SRPK2: variants seen among roughly 807,000 people sequenced by gnomAD.
The protein encoded by SRPK2 is SRSF protein kinase 2.
A neutral mutation model predicts 90.8 loss-of-function variants in SRPK2; 21 were observed. The ratio of observed to expected loss-of-function variants is 0.23; its 90% CI spans 0.16 to 0.33. The LOEUF (loss-of-function observed/expected upper bound fraction) is 0.33. Among genes scored for constraint, SRPK2 ranks in the 10% least tolerant of loss-of-function variants. The pLI is 1.00. For synonymous variants in SRPK2, 288 were observed against 311.1 expected, an observed-to-expected ratio of 0.93 and a Z score of 0.78; for missense variants, 620 against 869.0, an observed-to-expected ratio of 0.71 and a Z score of 3.60.
At chr7:105,156,906 C>T (rs1281243281) in intron 7 of SRPK2, among the ~76,000 whole-genome samples, 1 of 152,144 alleles carries the variant, frequency 6.6e-6, no homozygotes, top group Non-Finnish European at 1.5e-5. Flanking sequence ...ATATTTGATG[C>T]CAAACCCAAG....
chr7:105,363,691 G>T (rs1818693909), intron 2 of SRPK2, among the ~76,000 whole-genome samples: 1 of 152,090 alleles, frequency 6.6e-6, no homozygotes, highest in Non-Finnish European at 1.5e-5. Context: ...TATACCCAAA[G>T]GATTATAAAT....
chr7:105,305,373 G>A (rs1462497288), intron 2 of SRPK2, among the ~76,000 whole-genome samples: 1 of 151,612 alleles, frequency 6.6e-6, no homozygotes, highest in African/African-American at 2.4e-5. Flanking sequence ...TTGAACCCAA[G>A]AGGCAGAGGT....
chr7:105,145,934 C>T (rs1170838397), intron 8 of SRPK2, among the ~76,000 whole-genome samples: 1 of 152,094 alleles, frequency 6.6e-6, no homozygotes, highest in Non-Finnish European at 1.5e-5. Flanking sequence ...CACAAAGGCA[C>T]AGATCATGGT....
intron 3 of SRPK2, among the ~76,000 whole-genome samples, chr7:105,179,754 G>C (rs923012794): frequency 7.0e-6 from 1 of 143,222 alleles, no homozygotes; most frequent in Non-Finnish European, 1.5e-5. Context: ...GAACCCAGGA[G>C]GCAGAGGTTG....
chr7:105,196,567 G>A (rs752441895), intron 3 of SRPK2, among the ~76,000 whole-genome samples: 14 of 152,274 alleles, frequency 9.2e-5, no homozygotes, highest in Admixed American at 3.3e-4. Flanking sequence ...AGCCCGTCAC[G>A]GCAAGCAAAT....
At chr7:105,224,057 A>G (rs558430479) in intron 2 of SRPK2, among the ~76,000 whole-genome samples, 2 of 152,188 alleles carry the variant, frequency 1.3e-5, no homozygotes, top group African/African-American at 2.4e-5. Flanking sequence ...CATATGGATA[A>G]CCAATTGTTC....
At chr7:105,169,125 A>C in intron 4 of SRPK2, 32 bp downstream of exon 4, 2 of 1,582,426 alleles carry the variant, frequency 1.3e-6, no homozygotes, top group South Asian at 1.1e-5. Context: ...CTACTCCAGG[A>C]AACAAATGCA....
At chr7:105,141,959 C>T (rs769885821) in intron 11 of SRPK2, 49 bp downstream of exon 11, 46 of 1,548,064 alleles carry the variant, frequency 3.0e-5, no homozygotes, top group South Asian at 2.2e-4. Context: ...GTTAAAGGCA[C>T]GTCCCTGGAG....
At chr7:105,359,370 G>A (rs545701338) in intron 2 of SRPK2, among the ~76,000 whole-genome samples, 2 of 151,952 alleles carry the variant, frequency 1.3e-5, no homozygotes, top group South Asian at 4.2e-4. Flanking sequence ...GTGTTAGTGA[G>A]GATGGCCTCG....
chr7:105,391,229 GA>G (rs1270108580), upstream of SRPK2, among the ~76,000 whole-genome samples: 2 of 135,286 alleles, frequency 1.5e-5, no homozygotes, highest in African/African-American at 2.9e-5. Context: ...TATTGAGATG[GA>G]ATTTCGCTCT....
At chr7:105,155,530 G>T (rs1806365975) in intron 7 of SRPK2, among the ~76,000 whole-genome samples, 1 of 152,170 alleles carries the variant, frequency 6.6e-6, no homozygotes, top group Admixed American at 6.5e-5. Flanking sequence ...CACAATCAGG[G>T]ATGGTGACAG....
At chr7:105,294,791 G>A (rs1809570207) in intron 2 of SRPK2, among the ~76,000 whole-genome samples, 1 of 152,116 alleles carries the variant, frequency 6.6e-6, no homozygotes, top group Non-Finnish European at 1.5e-5. Context: ...CTCCCAAAGA[G>A]CTGGAATTAC....
chr7:105,395,890 A>G (rs1822307785), intron 1 of SRPK2, among the ~76,000 whole-genome samples: 2 of 152,150 alleles, frequency 1.3e-5, no homozygotes, highest in African/African-American at 2.4e-5. Context: ...TACACATACT[A>G]TAGTGATGTT....
chr7:105,224,030 CTAGTTT>C (rs765550760), intron 2 of SRPK2, among the ~76,000 whole-genome samples: 3 of 151,966 alleles, frequency 2.0e-5, no homozygotes, highest in Admixed American at 6.6e-5. Flanking sequence ...AAACAGAGCT[CTAGTTT>C]TAGTTTATTT....
intron 2 of SRPK2, among the ~76,000 whole-genome samples, chr7:105,280,661 G>C (rs1007793179): frequency 6.7e-6 from 1 of 149,870 alleles, no homozygotes; most frequent in Non-Finnish European, 1.5e-5. Context: ...AAAAAAGGGG[G>C]GGGGGGCCGG....
intron 2 of SRPK2, among the ~76,000 whole-genome samples, chr7:105,261,297 G>A (rs1183472368): frequency 2.0e-5 from 3 of 152,102 alleles, no homozygotes; most frequent in Non-Finnish European, 2.9e-5. Context: ...CGAGGCGGGT[G>A]GATCACAAGG....
At chr7:105,288,837 A>G (rs1019046049) in intron 2 of SRPK2, among the ~76,000 whole-genome samples, 1 of 152,132 alleles carries the variant, frequency 6.6e-6, no homozygotes, top group Admixed American at 6.6e-5. Context: ...AAGAAACTGG[A>G]GCCAAATGTC....
chr7:105,346,196 T>TA (rs1816436159), intron 2 of SRPK2, among the ~76,000 whole-genome samples: 1 of 152,250 alleles, frequency 6.6e-6, no homozygotes, highest in Non-Finnish European at 1.5e-5. Context: ...TAAAGTTTTT[T>TA]AAAAAATTCC....
At chr7:105,275,951 T>C (rs1806424622) in intron 2 of SRPK2, among the ~76,000 whole-genome samples, 1 of 152,200 alleles carries the variant, frequency 6.6e-6, no homozygotes, top group African/African-American at 2.4e-5. Context: ...ACCTAAATAA[T>C]TAGAGCTACA....
Sources: gnomAD v4.1 joint callset for allele counts (sites outside exome capture counted in the v4.1 genomes callset) on GRCh38, gnomAD v4.1.1 for gene constraint, MANE v1.5 for transcripts, NCBI Gene and HGNC (gene_info 2026-07-23, HGNC 2026-07-21) for gene names.